Variants in EBF2 observed in about 807,000 individuals in gnomAD.
EBF2 encodes the protein transcription factor COE2.
In EBF2, 21 loss-of-function variants were observed where a neutral mutation model predicts 72.8. That is an observed-to-expected ratio of 0.29 (90% CI 0.20 to 0.42). The LOEUF is 0.42. Ranked by LOEUF, EBF2 falls within the 10% of genes least tolerant of loss-of-function variation. The pLI is 1.00. For missense variants in EBF2, 637 were observed against 731.2 expected, an observed-to-expected ratio of 0.87 and a Z score of 1.49; for synonymous variants, 299 against 274.2, an observed-to-expected ratio of 1.09 and a Z score of -0.89.
chr8:25,913,733 A>G (rs1803167979), intron 6 of EBF2, among the ~76,000 whole-genome samples: 1 of 152,206 alleles, frequency 6.6e-6, no homozygotes, highest in Non-Finnish European at 1.5e-5. Flanking sequence ...TGATGGTCAC[A>G]TAAGCAGGCT....
intron 6 of EBF2, among the ~76,000 whole-genome samples, chr8:25,973,039 C>A (rs1169102109): frequency 2.0e-5 from 3 of 151,932 alleles, no homozygotes; most frequent in Admixed American, 2.0e-4. Flanking sequence ...AGCTGGACTG[C>A]ACATTTTTGT....
intron 6 of EBF2, among the ~76,000 whole-genome samples, chr8:25,917,800 T>G (rs998306528): frequency 6.6e-6 from 1 of 152,042 alleles, no homozygotes; most frequent in Non-Finnish European, 1.5e-5. Flanking sequence ...AGAGCTCATC[T>G]ATGCTAGGCT....
chr8:25,945,406 T>C (rs1049716355), intron 6 of EBF2, among the ~76,000 whole-genome samples: 1 of 152,090 alleles, frequency 6.6e-6, no homozygotes, highest in Admixed American at 6.5e-5. Context: ...ATGCCTCCCT[T>C]GTCTGCATTT....
chr8:25,855,513 G>A (rs941897097), intron 14 of EBF2, among the ~76,000 whole-genome samples: 2 of 152,084 alleles, frequency 1.3e-5, no homozygotes, highest in Non-Finnish European at 2.9e-5. Flanking sequence ...AAGAAGCTTG[G>A]CTCTTTCTTA....
At chr8:25,987,578 A>G (rs1402519375) in intron 6 of EBF2, among the ~76,000 whole-genome samples, 1 of 152,200 alleles carries the variant, frequency 6.6e-6, no homozygotes, top group African/African-American at 2.4e-5. Flanking sequence ...TTCAACAATC[A>G]TGAGTGAGGA....
At chr8:26,003,927 G>A (rs1210790098) in intron 6 of EBF2, among the ~76,000 whole-genome samples, 1 of 152,162 alleles carries the variant, frequency 6.6e-6, no homozygotes, top group Non-Finnish European at 1.5e-5. Flanking sequence ...GCGCTCCTGG[G>A]GGACCAGGGG....
In EBF2 at chr8:26,044,877, C is replaced by G. The variant is rs773671437; in HGVS notation, c.-18G>C. 6.2e-7 allele frequency: 1 copy of G among 1,612,802 alleles called. No homozygotes were observed. Among genetic ancestry groups the G allele is most frequent in the South Asian group, 1.1e-5 (1 of 91,014 alleles). ...CCAAACATTTAAAAAGTCTGATCCT[C>G]TACTGTCGCTTTAAAAGTAAGAGTT... On this transcript the variant is annotated 5_prime_UTR_variant, in exon 1 of 16. Coordinates refer to ENST00000520164, the MANE Select transcript of EBF2 (RefSeq NM_022659.4). This position sits in a 1 kb window ranked among gnomAD's most constrained non-coding sequence, Gnocchi z 4.1.
At chr8:26,008,583 A>C (rs1368711869) in intron 6 of EBF2, among the ~76,000 whole-genome samples, 4 of 152,186 alleles carry the variant, frequency 2.6e-5, no homozygotes, top group Admixed American at 6.5e-5. Flanking sequence ...ATTAATAGGG[A>C]AAAATTCTCG....
chr8:26,030,706 T>A lies in EBF2; in HGVS notation c.551+2379A>T, dbSNP rs892475499. Reference sequence around the variant, plus strand: ...TGTTTCCATGTGTAGACATGCAACATTTCGGAAGTAACGCACATTTCAAGT... The same window carrying A: ...TGTTTCCATGTGTAGACATGCAACAATTCGGAAGTAACGCACATTTCAAGT... On this transcript the variant is annotated intron_variant, in intron 6 of 15. Coordinates refer to ENST00000520164, the MANE Select transcript of EBF2 (RefSeq NM_022659.4). Among the ~76,000 whole-genome samples the A allele has an allele frequency of 2.6e-5, 4 of 152,172 alleles. No individual in the cohort carries two copies. The East Asian group carries it at 7.7e-4, about 29-fold the overall frequency.
At chr8:26,033,046 G>A (rs1371002010) in intron 6 of EBF2, 39 bp downstream of exon 6, 1 of 1,590,042 alleles carries the variant, frequency 6.3e-7, no homozygotes, top group South Asian at 1.1e-5. Flanking sequence ...ATGAAGAAAA[G>A]GAACCAAAAA....
chr8:25,935,608 G>C (rs893480455), intron 6 of EBF2, among the ~76,000 whole-genome samples: 2 of 152,148 alleles, frequency 1.3e-5, no homozygotes, highest in Non-Finnish European at 2.9e-5. Context: ...CAATGACAAG[G>C]GTTGACACAT....
At chr8:26,012,559 A>G (rs1805041959) in intron 6 of EBF2, among the ~76,000 whole-genome samples, 2 of 152,212 alleles carry the variant, frequency 1.3e-5, no homozygotes, top group Admixed American at 6.5e-5. Flanking sequence ...GAGCATTTGC[A>G]TTCGAAAATG....
intron 7 of EBF2, among the ~76,000 whole-genome samples, chr8:25,902,727 C>T (rs1385893002): frequency 6.6e-6 from 1 of 152,210 alleles, no homozygotes. Context: ...TGTGTCAGCA[C>T]AGACCCAGGA....
chr8:26,028,407 A>G (rs1805338442), intron 6 of EBF2, among the ~76,000 whole-genome samples: 1 of 152,178 alleles, frequency 6.6e-6, no homozygotes, highest in East Asian at 1.9e-4. Flanking sequence ...CTCTTTATTT[A>G]TTTACTAGAA....
In EBF2 at chr8:26,040,660, C is replaced by G. The variant is rs1222069354; in HGVS notation, c.364G>C (p.Glu122Gln). 1.9e-6 allele frequency: 3 copies of G among 1,555,372 alleles called. No individual in the cohort carries two copies. ...ATGAGCCTGACATAGAGGTCCTGTT[C>G]CGTGCGGACACCTGCGGGGACCGGA... The part of the protein sequence containing the change: ...QLLYSNGVRT[E>Q]QDLYVRLIDS... The change falls in exon 4 of 16, where the codon GAA (glutamate) becomes CAA (glutamine). Residue 122 changes from glutamate (E) to glutamine (Q), a missense_variant. Glu to Gln is a conservative substitution (Grantham distance 29, BLOSUM62 2). This residue lies in a region of EBF2 where 174 missense variants were observed against 161.9 expected (regional missense o/e 1.07). Transcript: ENST00000520164.
chr8:25,856,478 T>G (rs1430748590), intron 14 of EBF2, among the ~76,000 whole-genome samples: 1 of 152,220 alleles, frequency 6.6e-6, no homozygotes, highest in Non-Finnish European at 1.5e-5. Context: ...TCAATAACTC[T>G]TCATCTCTTA....
intron 6 of EBF2, among the ~76,000 whole-genome samples, chr8:25,933,384 G>C (rs569095469): frequency 1.3e-5 from 2 of 152,260 alleles, no homozygotes; most frequent in East Asian, 3.9e-4. Flanking sequence ...CTACGGAAAA[G>C]GGACCGTAGC....
At chr8:25,921,480 C>T (rs944406789) in intron 6 of EBF2, among the ~76,000 whole-genome samples, 21 of 152,270 alleles carry the variant, frequency 1.4e-4, no homozygotes, top group African/African-American at 5.1e-4. Flanking sequence ...TAAGCTCTAC[C>T]CAACCCCTAT....
At chr8:25,857,136 C>T (rs944692383) in intron 14 of EBF2, among the ~76,000 whole-genome samples, 3 of 152,108 alleles carry the variant, frequency 2.0e-5, no homozygotes, top group African/African-American at 7.2e-5. Flanking sequence ...ATCTAATTAA[C>T]TTAGGCCACC....
Sources: allele counts gnomAD v4.1 joint callset (sites outside exome capture counted in the v4.1 genomes callset), GRCh38; gene constraint gnomAD v4.1.1; regional missense constraint gnomAD v4.1.1; non-coding constraint Gnocchi (gnomAD v3.1); transcripts MANE v1.5; gene names NCBI Gene and HGNC (gene_info 2026-07-23, HGNC 2026-07-21).